ADGRG6: variants seen among roughly 807,000 people sequenced by gnomAD.
The protein encoded by ADGRG6 is adhesion G protein-coupled receptor G6.
A neutral mutation model predicts 142.4 loss-of-function variants in ADGRG6; 84 were observed. The ratio of observed to expected loss-of-function variants is 0.59; its 90% CI spans 0.49 to 0.71. The LOEUF is 0.71. Among genes scored for constraint, ADGRG6 ranks in the 30% least tolerant of loss-of-function variants. The pLI, the probability that ADGRG6 is intolerant of heterozygous loss-of-function variation, is 0.00. For synonymous variants in ADGRG6, 521 were observed against 520.5 expected, an observed-to-expected ratio of 1.00 and a Z score of -0.01; for missense variants, 1,367 against 1,466.6, an observed-to-expected ratio of 0.93 and a Z score of 1.11.
At chr6:142,344,219 T>C (rs1386572482) in intron 2 of ADGRG6, among the ~76,000 whole-genome samples, 1 of 151,966 alleles carries the variant, frequency 6.6e-6, no homozygotes, top group Non-Finnish European at 1.5e-5. Context: ...AAGAAAAATA[T>C]TATGTGAGCT....
intron 10 of ADGRG6, among the ~76,000 whole-genome samples, chr6:142,399,911 G>A (rs1775414328): frequency 6.6e-6 from 1 of 152,220 alleles, no homozygotes; most frequent in East Asian, 1.9e-4. Flanking sequence ...TTAGAGAGTC[G>A]TCAAACAAAA....
intron 17 of ADGRG6, 88 bp downstream of exon 17, chr6:142,410,007 C>T: frequency 1.8e-6 from 1 of 559,510 alleles, no homozygotes; most frequent in Admixed American, 3.2e-5. Context: ...TAATTCCACC[C>T]CAAACCAGAG....
chr6:142,363,480 G>T (rs1780812994), intron 2 of ADGRG6, among the ~76,000 whole-genome samples: 1 of 152,142 alleles, frequency 6.6e-6, no homozygotes, highest in East Asian at 1.9e-4. Context: ...ATACGCACAA[G>T]TAAATTACTG....
chr6:142,359,284 C>T (rs946489665), intron 2 of ADGRG6, among the ~76,000 whole-genome samples: 3 of 151,242 alleles, frequency 2.0e-5, no homozygotes, highest in Non-Finnish European at 4.4e-5. Flanking sequence ...TTTTAGTTTC[C>T]CTACTGCTGT....
At chr6:142,350,885 C>T (rs989417568) in intron 2 of ADGRG6, among the ~76,000 whole-genome samples, 2 of 152,106 alleles carry the variant, frequency 1.3e-5, no homozygotes, top group Non-Finnish European at 2.9e-5. Flanking sequence ...AAAAACTATT[C>T]TAAAATCCAT....
At chr6:142,308,529 A>G (rs1313500911) in intron 1 of ADGRG6, among the ~76,000 whole-genome samples, 2 of 151,948 alleles carry the variant, frequency 1.3e-5, no homozygotes, top group Non-Finnish European at 2.9e-5. Flanking sequence ...GCTTTAGGGT[A>G]GATATTACTG....
intron 24 of ADGRG6, among the ~76,000 whole-genome samples, chr6:142,442,100 A>T (rs1391340815): frequency 6.6e-6 from 1 of 152,130 alleles, no homozygotes; most frequent in Non-Finnish European, 1.5e-5. Flanking sequence ...CCAATTATTG[A>T]TGGATTTTAA....
chr6:142,361,784 C>G (rs1303033876), intron 2 of ADGRG6, among the ~76,000 whole-genome samples: 3 of 150,572 alleles, frequency 2.0e-5, no homozygotes, highest in Non-Finnish European at 4.4e-5. Context: ...TATGTTGTTT[C>G]AAATTATTCA....
At chr6:142,375,296 G>A (rs1276811994) in intron 4 of ADGRG6, among the ~76,000 whole-genome samples, 1 of 152,176 alleles carries the variant, frequency 6.6e-6, no homozygotes, top group Non-Finnish European at 1.5e-5. Flanking sequence ...AAAGGGTACC[G>A]TGAACTTAAC....
At chr6:142,439,924 C>T (rs1195614402) in intron 24 of ADGRG6, among the ~76,000 whole-genome samples, 1 of 152,090 alleles carries the variant, frequency 6.6e-6, no homozygotes, top group African/African-American at 2.4e-5. Flanking sequence ...ATTTTTTTCA[C>T]TTTATTTAAC....
Position 142,345,212 on chromosome 6 carries a change from C to T in ADGRG6, c.104-22357C>T, listed in dbSNP as rs1057217378. Among the ~76,000 whole-genome samples, 8 of 151,928 alleles carry T rather than the reference C, an allele frequency of 5.3e-5. No homozygotes were observed. The East Asian group carries it at 1.3e-3, about 26-fold the overall frequency. On this transcript the variant is annotated intron_variant, in intron 2 of 24. Transcript: ENST00000367609. ...TACAGATTCACTGATGAATTAATAA[C>T]GTTTTTCGATACAAACATGTAATTG...
chr6:142,365,112 T>C (rs1583040729), intron 2 of ADGRG6, among the ~76,000 whole-genome samples: 1 of 152,162 alleles, frequency 6.6e-6, no homozygotes, highest in Non-Finnish European at 1.5e-5. Flanking sequence ...TAAATTATTG[T>C]TAATTTCCTA....
At position 142,443,435 on chromosome 6, in the gene ADGRG6, G is replaced by A. The variant is rs1777852426; in HGVS notation, c.3673G>A (p.Gly1225Ser). Residue 1225 changes from glycine to serine, a missense_variant, in exon 25 of 25, where the codon GGT (glycine) becomes AGT (serine). Transcript: ENST00000367609. The part of the protein sequence containing the change: ...PVHQVIDKVK[G>S]YCNAHSDNFY... ...CCATCAGGTCATTGATAAGGTCAAG[G>A]GTTATTGCAATGCTCATTCAGACAA... 1 of 1,611,210 alleles carries A rather than the reference G, an allele frequency of 6.2e-7. No homozygotes were observed.
chr6:142,349,557 G>A (rs899288412), intron 2 of ADGRG6, among the ~76,000 whole-genome samples: 1 of 152,226 alleles, frequency 6.6e-6, no homozygotes, highest in African/African-American at 2.4e-5. Context: ...ACAGGGTACT[G>A]TCACTGGCTG....
intron 2 of ADGRG6, among the ~76,000 whole-genome samples, chr6:142,351,261 C>G (rs569162504): frequency 6.6e-6 from 1 of 152,040 alleles, no homozygotes; most frequent in South Asian, 2.1e-4. Flanking sequence ...AACAAACAAA[C>G]AAAAGAACAA....
chr6:142,363,085 T>A (rs1351799721), intron 2 of ADGRG6, among the ~76,000 whole-genome samples: 1 of 152,182 alleles, frequency 6.6e-6, no homozygotes, highest in African/African-American at 2.4e-5. Flanking sequence ...TGCAATTTTA[T>A]ATATGTTCAA....
intron 2 of ADGRG6, among the ~76,000 whole-genome samples, chr6:142,327,208 A>C (rs1333611444): frequency 6.6e-6 from 1 of 152,084 alleles, no homozygotes; most frequent in African/African-American, 2.4e-5. Flanking sequence ...ATAAAGAATG[A>C]GGCAAATGAA....
intron 2 of ADGRG6, among the ~76,000 whole-genome samples, chr6:142,343,114 C>CA (rs1301929287): frequency 6.6e-6 from 1 of 151,726 alleles, no homozygotes; most frequent in African/African-American, 2.4e-5. Context: ...GCATTCTCTG[C>CA]AAAATCAGAT....
chr6:142,345,910 A>C (rs773558038), intron 2 of ADGRG6, among the ~76,000 whole-genome samples: 2 of 152,208 alleles, frequency 1.3e-5, no homozygotes, highest in Non-Finnish European at 2.9e-5. Flanking sequence ...TAACACAAAG[A>C]ATGTAAAGTT....
Sources: allele counts gnomAD v4.1 joint callset (sites outside exome capture counted in the v4.1 genomes callset), GRCh38; gene constraint gnomAD v4.1.1; transcripts MANE v1.5; gene names NCBI Gene and HGNC (gene_info 2026-07-23, HGNC 2026-07-21).